The following COL3A1 variants were observed in gnomAD, a reference collection of about 807,000 sequenced individuals.
COL3A1 encodes the protein collagen type III alpha 1 chain.
In COL3A1, 46 loss-of-function variants were observed where a neutral mutation model predicts 200.9. The observed-to-expected ratio is 0.23, with a 90% CI of 0.18 to 0.29. COL3A1 has a LOEUF of 0.29. Among genes scored for constraint, COL3A1 ranks in the 10% least tolerant of loss-of-function variants. COL3A1 has a pLI of 1.00. For synonymous variants in COL3A1, 650 were observed against 628.0 expected, an observed-to-expected ratio of 1.03 and a Z score of -0.52; for missense variants, 1,367 against 1,917.6, an observed-to-expected ratio of 0.71 and a Z score of 5.36.
At chr2:188,988,690 G>A (rs1245765641) in intron 7 of COL3A1, 47 bp downstream of exon 7, 1 of 1,300,718 alleles carries the variant, frequency 7.7e-7, no homozygotes, top group Non-Finnish European at 1.1e-6. Context: ...AATTCCATAT[G>A]GAACCTACCT....
intron 1 of COL3A1, among the ~76,000 whole-genome samples, chr2:188,980,171 A>G (rs1687919724): frequency 1.3e-5 from 2 of 151,578 alleles, no homozygotes; most frequent in African/African-American, 4.8e-5. Flanking sequence ...TGCCAAATGT[A>G]ATAAGACAAG....
rs755742376 is a variant in COL3A1 at position 189,011,785 on chromosome 2, A to G, written c.*11A>G. The G allele has an allele frequency of 3.7e-6, 6 of 1,613,840 alleles. No homozygotes were observed. Among genetic ancestry groups the G allele is most frequent in the Non-Finnish European group, 5.1e-6 (6 of 1,179,758 alleles). On this transcript the variant is annotated 3_prime_UTR_variant, in exon 51 of 51. Coordinates refer to ENST00000304636, the MANE Select transcript of COL3A1 (RefSeq NM_000090.4). ...GTTTGCTTTTTATAAACCAAACTCT[A>G]TCTGAAATCCCAACAAAAAAAATTT...
At chr2:188,982,590 C>G (rs1687975479) in intron 1 of COL3A1, among the ~76,000 whole-genome samples, 1 of 151,700 alleles carries the variant, frequency 6.6e-6, no homozygotes. Context: ...TTTTCATAAT[C>G]CACGTGCTGT....
At chr2:188,983,521 T>C (rs916544445) in intron 1 of COL3A1, among the ~76,000 whole-genome samples, 1 of 151,890 alleles carries the variant, frequency 6.6e-6, no homozygotes, top group South Asian at 2.1e-4. Context: ...GACAGAGAGA[T>C]GATATAGCAA....
Position 188,985,698 on chromosome 2 carries a change from C to G in COL3A1, c.367C>G (p.Pro123Ala). Residue 123 changes from proline to alanine, a missense_variant, in exon 4 of 51, where the codon CCT (proline) becomes GCT (alanine). By Grantham distance (27) the Pro-to-Ala change is conservative (BLOSUM62 -1). This residue lies in a region of COL3A1 where 462 missense variants were observed against 681.4 expected (regional missense o/e 0.68). Transcript: ENST00000304636. ...TGGTATTCCTGGGAGAAATGGTGAC[C>G]CTGGTATTCCAGGACAACCAGGGTC... The part of the protein sequence containing the change: ...PPGIPGRNGD[P>A]GIPGQPGSPG... The G allele has an allele frequency of 1.2e-6, 2 of 1,610,622 alleles. No homozygotes were observed. The highest frequency in any genetic ancestry group is 1.7e-6 in the Non-Finnish European group (2 of 1,178,686).
chr2:188,997,040 GA>G (rs1688341408), intron 24 of COL3A1, 124 bp from the exon 25 acceptor site: 6 of 276,228 alleles, frequency 2.2e-5, no homozygotes, highest in African/African-American at 4.0e-5. Flanking sequence ...ATATATATAT[GA>G]GACATATATA....
intron 1 of COL3A1, 140 bp from the exon 2 acceptor site, chr2:188,984,620 A>G (rs1688025028): frequency 2.7e-6 from 2 of 740,642 alleles, no homozygotes; most frequent in Non-Finnish European, 4.7e-6. Flanking sequence ...TAGGGCAAGT[A>G]TAATTTTCTA....
At position 189,011,699 on chromosome 2, in the gene COL3A1, A is replaced by G; in HGVS notation, c.4326A>G (p.Val1442=). The change falls in exon 51 of 51, where the codon GTA becomes GTG. Residue 1442 remains valine (V), a synonymous_variant. Coordinates refer to ENST00000304636, the MANE Select transcript of COL3A1 (RefSeq NM_000090.4). ...RTRKAVRLPI[V]DIAPYDIGGP... ...GCAAGGCTGTGAGACTACCTATTGTAGATATTGCACCCTATGACATTGGTG... is the reference window on the plus strand; with the variant it reads ...GCAAGGCTGTGAGACTACCTATTGTGGATATTGCACCCTATGACATTGGTG... 6.2e-7 allele frequency: 1 copy of G among 1,614,056 alleles called. No homozygotes were observed. Among genetic ancestry groups the G allele is most frequent in the Non-Finnish European group, 8.5e-7 (1 of 1,179,940 alleles).
intron 13 of COL3A1, among the ~76,000 whole-genome samples, 189 bp downstream of exon 13, chr2:188,991,911 CTA>C (rs1348848019): frequency 2.0e-5 from 3 of 152,160 alleles, no homozygotes; most frequent in African/African-American, 7.2e-5. Flanking sequence ...ATTATTATCT[CTA>C]TTGAGAATTT....
At chr2:188,992,158 T>C (rs1688202805) in intron 13 of COL3A1, 26 bp from the exon 14 acceptor site, 2 of 1,612,746 alleles carry the variant, frequency 1.2e-6, no homozygotes, top group Admixed American at 3.3e-5. Flanking sequence ...ATTAAAAGGA[T>C]ATTTGATGTA....
chr2:188,990,473 A>T, intron 10 of COL3A1, 113 bp downstream of exon 10: 1 of 919,134 alleles, frequency 1.1e-6, no homozygotes, highest in Non-Finnish European at 1.7e-6. Flanking sequence ...ACAATTAATT[A>T]ATTTGATATT....
At chr2:188,976,131 A>G (rs1197208008) in intron 1 of COL3A1, among the ~76,000 whole-genome samples, 1 of 151,828 alleles carries the variant, frequency 6.6e-6, no homozygotes, top group Non-Finnish European at 1.5e-5. Context: ...CTTTTTTAGG[A>G]TACCAAATGA....
Position 189,011,759 on chromosome 2 carries a change from T to C in COL3A1, c.4386T>C (p.Pro1462=), listed in dbSNP as rs1576474951. The change falls in exon 51 of 51, where the codon CCT becomes CCC. Residue 1462 remains proline (P), a synonymous_variant. Transcript: ENST00000304636. ...PDQEFGVDVG[P]VCFL is the part of the protein sequence containing the mutation. ...AAGAATTTGGTGTGGACGTTGGCCC[T>C]GTTTGCTTTTTATAAACCAAACTCT... 6.2e-7 allele frequency: 1 copy of C among 1,613,996 alleles called. No homozygotes were observed. The highest frequency in any genetic ancestry group is 8.5e-7 in the Non-Finnish European group (1 of 1,179,860).
chr2:189,006,812 T>G (rs1003335072), intron 43 of COL3A1, 125 bp from the exon 44 acceptor site: 3 of 1,016,624 alleles, frequency 3.0e-6, no homozygotes, highest in Non-Finnish European at 4.5e-6. Context: ...CAATATTAAC[T>G]TCCAATAATT....
intron 4 of COL3A1, among the ~76,000 whole-genome samples, chr2:188,986,807 T>C (rs1028732254): frequency 6.6e-6 from 1 of 151,780 alleles, no homozygotes; most frequent in Admixed American, 6.6e-5. Flanking sequence ...ATAGGAAAAA[T>C]TGGGGGGAAC....
intron 22 of COL3A1, 134 bp from the exon 23 acceptor site, chr2:188,995,991 A>G (rs1688299088): frequency 3.4e-5 from 33 of 972,192 alleles, no homozygotes; most frequent in Admixed American, 6.2e-5. Context: ...TAGATACTTT[A>G]TAGACAGGAA....
chr2:188,993,544 T>TA, intron 16 of COL3A1, 85 bp downstream of exon 16: 41 of 1,171,836 alleles, frequency 3.5e-5, no homozygotes, highest in Non-Finnish European at 4.6e-5. Context: ...CATGAAAGCA[T>TA]GTGCTTCAAT....
chr2:188,977,397 T>G (rs991122173), intron 1 of COL3A1, among the ~76,000 whole-genome samples: 1 of 152,114 alleles, frequency 6.6e-6, no homozygotes, highest in African/African-American at 2.4e-5. Context: ...AGAATCAGTT[T>G]CTTATTAGAC....
chr2:188,978,982 T>C (rs1687890978), intron 1 of COL3A1, among the ~76,000 whole-genome samples: 1 of 151,954 alleles, frequency 6.6e-6, no homozygotes, highest in African/African-American at 2.4e-5. Flanking sequence ...TCAGATTAAC[T>C]AATAAAACCC....
Sources: gnomAD v4.1 joint callset for allele counts (sites outside exome capture counted in the v4.1 genomes callset) on GRCh38, gnomAD v4.1.1 for gene constraint, gnomAD v4.1.1 regional missense constraint, MANE v1.5 for transcripts, NCBI Gene and HGNC (gene_info 2026-07-23, HGNC 2026-07-21) for gene names.